RTN4IP1: variants seen among roughly 807,000 people sequenced by gnomAD.
RTN4IP1 encodes the protein reticulon 4 interacting protein 1, also known as NAD(P)H oxidoreductase RTN4IP1, mitochondrial.
RTN4IP1 carries 32 observed loss-of-function variants against 46.6 expected under a neutral mutation model. The observed-to-expected ratio is 0.69, with a 90% confidence interval of 0.52 to 0.92. The LOEUF is 0.92. RTN4IP1 is among the 40% of genes least tolerant of loss of function. The pLI is 0.00. For missense variants in RTN4IP1, 424 were observed against 485.8 expected (o/e 0.87, Z 1.20); for synonymous variants, 167 against 161.8 (o/e 1.03, Z -0.24).
chr6:106,620,945 C>T (rs1347446271), intron 3 of RTN4IP1, among the ~76,000 whole-genome samples: 1 of 152,122 alleles, frequency 6.6e-6, no homozygotes, highest in Non-Finnish European at 1.5e-5. Flanking sequence ...TTTCTCTAAT[C>T]TCAGTAATAA....
intron 8 of RTN4IP1, among the ~76,000 whole-genome samples, chr6:106,575,322 A>C (rs752538759): frequency 1.4e-4 from 22 of 152,128 alleles, no homozygotes; most frequent in Non-Finnish European, 2.6e-4. Context: ...TCAGTCTTGG[A>C]TTCATGTGTG....
chr6:106,599,244 AT>A (rs1388061731), intron 5 of RTN4IP1, among the ~76,000 whole-genome samples: 1 of 151,880 alleles, frequency 6.6e-6, no homozygotes, highest in East Asian at 1.9e-4. Context: ...TTTTATTAAA[AT>A]TTTTTGTTGT....
At chr6:106,595,275 C>T (rs1267271201) in intron 5 of RTN4IP1, among the ~76,000 whole-genome samples, 2 of 152,096 alleles carry the variant, frequency 1.3e-5, no homozygotes, top group African/African-American at 2.4e-5. Flanking sequence ...TTCTGCAACT[C>T]GGCAGATGGA....
At chr6:106,619,176 A>G (rs1776420963) in intron 4 of RTN4IP1, 26 bp downstream of exon 4, 1 of 1,612,592 alleles carries the variant, frequency 6.2e-7, no homozygotes, top group Non-Finnish European at 8.5e-7. Flanking sequence ...AGAGGTTTAG[A>G]TGCTGCCACT....
chr6:106,572,691 G>A (rs1050686885), intron 8 of RTN4IP1, among the ~76,000 whole-genome samples: 2 of 152,188 alleles, frequency 1.3e-5, no homozygotes, highest in Admixed American at 1.3e-4. Flanking sequence ...TCTGTGCTGT[G>A]TGGTAAATAC....
chr6:106,605,372 G>A (rs1004092171), intron 4 of RTN4IP1, among the ~76,000 whole-genome samples: 1 of 151,462 alleles, frequency 6.6e-6, no homozygotes, highest in African/African-American at 2.4e-5. Context: ...GTTGCAGTGA[G>A]CTGAGATGGC....
At position 106,622,954 on chromosome 6, in the gene RTN4IP1, G is replaced by A. The variant is rs780469583; in HGVS notation, c.290C>T (p.Thr97Ile). The change falls in exon 2 of 9, where the codon ACA becomes ATA. Residue 97 changes from threonine to isoleucine, a missense_variant. Physicochemically the swap from Thr to Ile is moderately conservative, Grantham distance 89. Coordinates refer to ENST00000369063, the MANE Select transcript of RTN4IP1 (RefSeq NM_032730.5). ...AGGATCACGCTTCATATTTAAAGCT[G>A]TAGCTCCATAACCACCTGTAAAATA... ...DVNMRSGYGA[T>I]ALNMKRDPLH... 4 of 1,613,998 alleles carry A rather than the reference G, an allele frequency of 2.5e-6. No homozygotes were observed. The highest frequency in any genetic ancestry group is 1.7e-4 in the Middle Eastern group (1 of 6,056).
chr6:106,628,431 G>A (rs1303518295), intron 1 of RTN4IP1, among the ~76,000 whole-genome samples: 2 of 151,808 alleles, frequency 1.3e-5, no homozygotes, highest in African/African-American at 2.4e-5. Context: ...TCAGGCCACC[G>A]CACTCTAGCC....
chr6:106,589,252 AG>A (rs1775583996), intron 6 of RTN4IP1, among the ~76,000 whole-genome samples: 2 of 3,470 alleles, frequency 5.8e-4, no homozygotes, highest in Non-Finnish European at 2.4e-3. Context: ...GAGGAGGAGA[AG>A]GAGGAGGAGA....
chr6:106,601,045 C>A (rs143528584), intron 5 of RTN4IP1, among the ~76,000 whole-genome samples: 2 of 152,128 alleles, frequency 1.3e-5, no homozygotes, highest in Non-Finnish European at 2.9e-5. Context: ...TAACTTCCCA[C>A]CAGCAATGTA....
intron 7 of RTN4IP1, 75 bp from the exon 8 acceptor site, chr6:106,583,495 C>T (rs1160723848): frequency 6.6e-6 from 8 of 1,205,128 alleles, no homozygotes; most frequent in Middle Eastern, 1.9e-4. Flanking sequence ...TAGGGAAAAG[C>T]ATTTTCTGGA....
chr6:106,608,724 G>C (rs925708766), intron 4 of RTN4IP1, among the ~76,000 whole-genome samples: 1 of 152,216 alleles, frequency 6.6e-6, no homozygotes, highest in African/African-American at 2.4e-5. Context: ...TCAGAGGGCA[G>C]AGGTAAAGTA....
chr6:106,628,228 G>C (rs1776703947), intron 1 of RTN4IP1, among the ~76,000 whole-genome samples: 1 of 151,950 alleles, frequency 6.6e-6, no homozygotes, highest in Non-Finnish European at 1.5e-5. Context: ...AGCACTTAGG[G>C]GGCGGAGGCA....
At chr6:106,622,011 A>C (rs1582391509) in intron 2 of RTN4IP1, among the ~76,000 whole-genome samples, 1 of 152,328 alleles carries the variant, frequency 6.6e-6, no homozygotes, top group East Asian at 1.9e-4. Flanking sequence ...CATAAGGCAG[A>C]AATTGTCATT....
intron 5 of RTN4IP1, among the ~76,000 whole-genome samples, chr6:106,593,264 T>G (rs1775706940): frequency 6.6e-6 from 1 of 152,176 alleles, no homozygotes; most frequent in Admixed American, 6.5e-5. Flanking sequence ...AAAATGCAGA[T>G]GCCTTATATT....
intron 1 of RTN4IP1, among the ~76,000 whole-genome samples, chr6:106,627,743 C>CTTTTTTTTTTTTTTTTT (rs759953237): frequency 3.8e-5 from 2 of 52,990 alleles, no homozygotes; most frequent in African/African-American, 1.3e-4. Context: ...CATTTCAATG[C>CTTTTTTTTTTTTTTTTT]TTTTTTTTTT....
At chr6:106,625,343 C>G (rs1398151998) in intron 1 of RTN4IP1, among the ~76,000 whole-genome samples, 7 of 152,052 alleles carry the variant, frequency 4.6e-5, no homozygotes, top group Admixed American at 4.6e-4. Context: ...GAGAAAGCAG[C>G]AAAGGAGACT....
chr6:106,579,395 A>G (rs1775304329), intron 8 of RTN4IP1, among the ~76,000 whole-genome samples: 1 of 152,198 alleles, frequency 6.6e-6, no homozygotes, highest in Non-Finnish European at 1.5e-5. Context: ...GTGCCCAGAT[A>G]GGATGAATAT....
chr6:106,600,296 G>A (rs1298454468), intron 5 of RTN4IP1, among the ~76,000 whole-genome samples: 1 of 152,110 alleles, frequency 6.6e-6, no homozygotes, highest in East Asian at 1.9e-4. Flanking sequence ...TCTTAATCAA[G>A]CTCCCTCTTC....
Sources: gnomAD v4.1 joint callset for allele counts (sites outside exome capture counted in the v4.1 genomes callset) on GRCh38, gnomAD v4.1.1 for gene constraint, MANE v1.5 for transcripts, NCBI Gene and HGNC (gene_info 2026-07-23, HGNC 2026-07-21) for gene names.